Variants in TADA1 observed in about 807,000 individuals in gnomAD.
TADA1 encodes the protein transcriptional adaptor 1, also known as transcriptional adapter 1.
In TADA1, 23 loss-of-function variants were observed where a neutral mutation model predicts 39.3. The ratio of observed to expected loss-of-function variants is 0.58; its 90% CI spans 0.42 to 0.83. The LOEUF is 0.83. TADA1 is among the 40% of genes least tolerant of loss of function. TADA1 has a pLI of 0.00. For missense variants in TADA1, 352 were observed against 408.1 expected, an observed-to-expected ratio of 0.86 and a Z score of 1.18; for synonymous variants, 137 against 151.8, an observed-to-expected ratio of 0.90 and a Z score of 0.72.
chr1:166,871,077 A>G (rs1291785992), intron 1 of TADA1, among the ~76,000 whole-genome samples: 2 of 151,204 alleles, frequency 1.3e-5, no homozygotes, highest in Non-Finnish European at 3.0e-5. Flanking sequence ...TAACTGGCTG[A>G]AAAAAAAATG....
At chr1:166,876,039 C>G in intron 1 of TADA1, 121 bp downstream of exon 1, 2 of 956,008 alleles carry the variant, frequency 2.1e-6, no homozygotes, top group East Asian at 3.2e-5. Context: ...AGCCCCGCCG[C>G]CGCGGACTCC....
rs373239463 is a variant in TADA1 at position 166,863,886 on chromosome 1, C to T, written c.268G>A (p.Ala90Thr). 78 of 1,610,958 alleles carry T rather than the reference C, an allele frequency of 4.8e-5. No homozygotes were observed. The highest frequency in any genetic ancestry group is 1.6e-4 in the Middle Eastern group (1 of 6,080). Residue 90 changes from alanine to threonine, a missense_variant, in exon 4 of 8, where the codon GCA becomes ACA. Physicochemically the swap from Ala to Thr is moderately conservative, Grantham distance 58. Transcript: ENST00000367874. ...AGSLPWPGGS[A>T]AKPGKPKGKK... is the part of the protein sequence containing the mutation. ...CCCTTGGGTTTTCCAGGTTTTGCTG[C>T]GGAACCCCCTGGCCAAGGCAAAGAT...
At chr1:166,873,782 G>A (rs1334998000) in intron 1 of TADA1, among the ~76,000 whole-genome samples, 1 of 152,138 alleles carries the variant, frequency 6.6e-6, no homozygotes, top group Non-Finnish European at 1.5e-5. Context: ...TTTAGCTTCA[G>A]CATCAGTATT....
rs2101799510 is a variant in TADA1 at position 166,876,140 on chromosome 1, T to A, written c.74+20A>T. 6.2e-7 allele frequency: 1 copy of A among 1,605,258 alleles called. No individual in the cohort carries two copies. The highest frequency in any genetic ancestry group is 2.3e-5 in the East Asian group (1 of 43,830). ...AGCACCCGCGTGTTGGCCTGGACGC[T>A]GTGCTAGGGCAGCTCTTACTGTTTC... is the stretch of plus-strand genomic sequence containing the variant. On this transcript the variant is annotated intron_variant, in intron 1 of 7. Coordinates refer to ENST00000367874, the MANE Select transcript of TADA1 (RefSeq NM_053053.4).
chr1:166,858,061 TAAAG>T, intron 7 of TADA1, 54 bp downstream of exon 7: 1 of 1,593,728 alleles, frequency 6.3e-7, no homozygotes, highest in East Asian at 2.2e-5. Context: ...TTTGTAGACT[TAAAG>T]AATCTCTTAA....
rs1275553967 is a variant in TADA1 at position 166,875,931 on chromosome 1, A to G, written c.74+229T>C. On this transcript the variant is annotated intron_variant, in intron 1 of 7. Transcript: ENST00000367874. Reference sequence around the variant, plus strand: ...CACCCAGGGCAGACAGTCCCGAGCAACGGCGCCCGCCGATGTCTCCCGGGC... The same window carrying G: ...CACCCAGGGCAGACAGTCCCGAGCAGCGGCGCCCGCCGATGTCTCCCGGGC... Among the ~76,000 whole-genome samples, 3 of 152,046 alleles carry G rather than the reference A, an allele frequency of 2.0e-5. No homozygotes were observed. In the South Asian group the frequency reaches 6.2e-4, roughly 31 times the overall value.
intron 1 of TADA1, among the ~76,000 whole-genome samples, chr1:166,875,799 G>T (rs903886480): frequency 6.6e-6 from 1 of 152,226 alleles, no homozygotes; most frequent in Non-Finnish European, 1.5e-5. Flanking sequence ...GGACGCGTAG[G>T]GCTCCGGCTC....
At chr1:166,873,335 CT>C (rs1404720056) in intron 1 of TADA1, among the ~76,000 whole-genome samples, 2 of 151,932 alleles carry the variant, frequency 1.3e-5, no homozygotes, top group Admixed American at 1.3e-4. Context: ...AATCAGGCAC[CT>C]ATTTGAACAT....
At position 166,857,494 on chromosome 1, in the gene TADA1, T is replaced by C; in HGVS notation, c.*73A>G. The C allele has an allele frequency of 6.4e-7, 1 of 1,562,694 alleles. No individual in the cohort carries two copies. The highest frequency in any genetic ancestry group is 2.2e-5 in the East Asian group (1 of 44,654). On this transcript the variant is annotated 3_prime_UTR_variant, in exon 8 of 8. Coordinates refer to ENST00000367874, the MANE Select transcript of TADA1 (RefSeq NM_053053.4). ...TACACTATACACTTCAGCCTTGAAATGTGGACCCAAAAAACATTCAATTTT... is the reference window on the plus strand; with the variant it reads ...TACACTATACACTTCAGCCTTGAAACGTGGACCCAAAAAACATTCAATTTT...
chr1:166,862,140 T>A, intron 5 of TADA1, 63 bp downstream of exon 5: 1 of 1,503,716 alleles, frequency 6.7e-7, no homozygotes. Context: ...ATACCGACTT[T>A]AAACAACACA....
intron 4 of TADA1, chr1:166,862,764 C>A: frequency 3.8e-6 from 1 of 262,170 alleles, no homozygotes; most frequent in Non-Finnish European, 7.3e-6. Flanking sequence ...TAAATCTAAC[C>A]GTAAGTAGGT....
intron 5 of TADA1, 87 bp downstream of exon 5, chr1:166,862,116 A>G: frequency 7.8e-7 from 1 of 1,278,176 alleles, no homozygotes; most frequent in South Asian, 1.3e-5. Flanking sequence ...TGACATTTGG[A>G]TTCTTTTCTT....
chr1:166,857,486 C>T lies in TADA1; in HGVS notation c.*81G>A, dbSNP rs1658302044. On this transcript the variant is annotated 3_prime_UTR_variant, in exon 8 of 8. Transcript: ENST00000367874. ...GTTATATATACACTATACACTTCAGCCTTGAAATGTGGACCCAAAAAACAT... is the reference window on the plus strand; with the variant it reads ...GTTATATATACACTATACACTTCAGTCTTGAAATGTGGACCCAAAAAACAT... 4.6e-6 allele frequency: 7 copies of T among 1,510,524 alleles called. No individual in the cohort carries two copies. The highest frequency in any genetic ancestry group is 1.4e-5 in the African/African-American group (1 of 72,390). The allele number at this position is 1,510,524 out of a possible 1,614,324, so 93.6% of individuals were successfully genotyped here.
Position 166,869,787 on chromosome 1 carries a change from GAGCTTC to G in TADA1, c.136_141del (p.Glu46_Ala47del). ...CCATTATCCTGTGTGAGAAGTCTAT[GAGCTTC>G]AAGGTCAAACTCCTCTTTGCTGATC... On this transcript the variant is annotated inframe_deletion, in exon 2 of 8. Transcript: ENST00000367874. The G allele has an allele frequency of 6.2e-7, 1 of 1,613,842 alleles. No individual in the cohort carries two copies. The highest frequency in any genetic ancestry group is 8.5e-7 in the Non-Finnish European group (1 of 1,179,908).
At chr1:166,863,708 C>T in intron 4 of TADA1, 116 bp downstream of exon 4, 1 of 928,072 alleles carries the variant, frequency 1.1e-6, no homozygotes, top group Non-Finnish European at 1.7e-6. Context: ...CCAAATCATA[C>T]TCCTTTTTTT....
rs74975547 is a variant in TADA1 at position 166,866,155 on chromosome 1, C to G, written c.233-2234G>C. 6.9e-3 allele frequency among the ~76,000 whole-genome samples: 1,057 copies of G among 152,342 alleles called. 3 individuals are homozygous for G. The highest frequency in any genetic ancestry group is 0.018 in the African/African-American group (762 of 41,580). ...GCAAAGGAGCAGGCCTGCAAACTCA[C>G]AGCTTACCAGCTGCTGCTGCGTGGC... On this transcript the variant is annotated intron_variant, in intron 3 of 7. Transcript: ENST00000367874.
intron 7 of TADA1, 67 bp from the exon 8 acceptor site, chr1:166,857,786 G>A: frequency 1.3e-6 from 2 of 1,524,668 alleles, no homozygotes; most frequent in Non-Finnish European, 1.8e-6. Context: ...ACATATAAAA[G>A]GGTTTATATC....
At chr1:166,858,846 A>G (rs1214679532) in intron 6 of TADA1, among the ~76,000 whole-genome samples, 1 of 152,242 alleles carries the variant, frequency 6.6e-6, no homozygotes, top group Non-Finnish European at 1.5e-5. Flanking sequence ...CTCAGAGGAA[A>G]GCACAGTGGA....
intron 6 of TADA1, among the ~76,000 whole-genome samples, chr1:166,859,027 G>A (rs1376346181): frequency 6.6e-6 from 1 of 152,210 alleles, no homozygotes; most frequent in African/African-American, 2.4e-5. Context: ...AGCCACTTTT[G>A]GGGATTTGTT....
Sources: allele counts gnomAD v4.1 joint callset (sites outside exome capture counted in the v4.1 genomes callset), GRCh38; gene constraint gnomAD v4.1.1; transcripts MANE v1.5; gene names NCBI Gene and HGNC (gene_info 2026-07-23, HGNC 2026-07-21).